Variants in ATM observed in about 807,000 individuals in gnomAD.
The protein encoded by ATM is ATM serine/threonine kinase, also known as serine-protein kinase ATM.
In ATM, 308 loss-of-function variants were observed where a neutral mutation model predicts 387.0. The ratio of observed to expected loss-of-function variants is 0.80; its 90% CI spans 0.73 to 0.87. ATM has a LOEUF of 0.87. Among genes scored for constraint, ATM ranks in the 40% least tolerant of loss-of-function variants. ATM has a pLI of 0.00. For missense variants in ATM, 3,312 were observed against 3,560.9 expected, an observed-to-expected ratio of 0.93 and a Z score of 1.78; for synonymous variants, 1,156 against 1,187.3, an observed-to-expected ratio of 0.97 and a Z score of 0.54.
chr11:108,353,493 C>G (rs759928300), intron 59 of ATM, among the ~76,000 whole-genome samples: 1 of 152,018 alleles, frequency 6.6e-6, no homozygotes, highest in Admixed American at 6.6e-5. Context: ...TTAAATTATA[C>G]CAGTAGTTAC....
Position 108,288,138 on chromosome 11 carries a change from C to T in ATM, c.4109+423C>T, listed in dbSNP as rs138293720. Among the ~76,000 whole-genome samples the T allele has an allele frequency of 6.8e-4, 103 of 151,686 alleles. No homozygotes were observed. The East Asian group carries it at 0.015, about 21-fold the overall frequency. ...TGGCTGGAGTGCAGTGGCATAATCT[C>T]GGCTCACTGCAACCTCTGTCTTCCA... On this transcript the variant is annotated intron_variant, in intron 27 of 62. Transcript: ENST00000675843.
intron 49 of ATM, 36 bp downstream of exon 49, chr11:108,329,274 A>G (rs2136426248): frequency 1.9e-6 from 3 of 1,547,092 alleles, no homozygotes; most frequent in Non-Finnish European, 2.7e-6. Flanking sequence ...TTTTATGTTC[A>G]CCAGTTAACT....
At chr11:108,334,569 A>T (rs1191253517) in intron 54 of ATM, among the ~76,000 whole-genome samples, 1 of 152,200 alleles carries the variant, frequency 6.6e-6, no homozygotes, top group Non-Finnish European at 1.5e-5. Flanking sequence ...AGTGCTTAGT[A>T]TCTAGTTACT....
intron 16 of ATM, among the ~76,000 whole-genome samples, chr11:108,261,854 GA>G (rs2080911720): frequency 6.6e-6 from 1 of 152,142 alleles, no homozygotes; most frequent in African/African-American, 2.4e-5. Context: ...CTCAGGAGCC[GA>G]TGCGATCAAC....
chr11:108,224,176 CTG>C (rs2078626822), intron 1 of ATM: 3 of 152,132 alleles, frequency 2.0e-5, no homozygotes, highest in Non-Finnish European at 2.9e-5. Context: ...CATTGAGAAA[CTG>C]AGGTTTGAAG....
chr11:108,286,237 C>T (rs1398878971), intron 26 of ATM, among the ~76,000 whole-genome samples: 3 of 142,702 alleles, frequency 2.1e-5, no homozygotes, highest in Non-Finnish European at 3.0e-5. Flanking sequence ...CACTTGAACC[C>T]GGGAGGTGGA....
At chr11:108,298,268 A>C (rs4988023) in intron 33 of ATM, among the ~76,000 whole-genome samples, 16,224 of 152,248 alleles carry the variant, frequency 0.11, 1,209 homozygotes, top group Non-Finnish European at 0.15. Flanking sequence ...AGTGTTTCAC[A>C]GATTCTACTA....
chr11:108,236,134 C>T (rs1454884233), intron 5 of ATM: 1 of 410,560 alleles, frequency 2.4e-6, no homozygotes, highest in Non-Finnish European at 4.5e-6. Context: ...AACCAGAGTT[C>T]ATAATGTGCT....
intron 13 of ATM, 127 bp downstream of exon 13, chr11:108,254,166 C>A: frequency 1.3e-6 from 1 of 795,984 alleles, no homozygotes; most frequent in South Asian, 1.6e-5. Context: ...AGCAAAGTGG[C>A]AGTAAAGGGC....
intron 16 of ATM, among the ~76,000 whole-genome samples, chr11:108,266,541 C>T (rs1297578286): frequency 1.3e-5 from 2 of 149,740 alleles, no homozygotes; most frequent in Admixed American, 6.6e-5. Flanking sequence ...TGCTAGATGA[C>T]GAGTTAGTGG....
In ATM at chr11:108,353,766, G is replaced by A. The variant is rs748192003; in HGVS notation, c.8672G>A (p.Gly2891Asp). The change falls in exon 60 of 63, where the codon GGT (glycine) becomes GAT (aspartate). Residue 2891 changes from glycine (G) to aspartate (D), a missense_variant and splice_region_variant. By Grantham distance (94) the Gly-to-Asp change is moderately conservative. This residue lies in a region of ATM where 1,405 missense variants were observed against 1,604.4 expected (regional missense o/e 0.88). Transcript: ENST00000675843. ...AACTTCACTGTATTCTTTACTTTAG[G>A]TGTTGCTTTTGAACAGGGCAAAATC... The part of the protein sequence containing the change: ...QSAELVHIDL[G>D]VAFEQGKILP... 8 of 1,599,482 alleles carry A rather than the reference G, an allele frequency of 5.0e-6. No homozygotes were observed. Among genetic ancestry groups the A allele is most frequent in the East Asian group, 2.2e-5 (1 of 44,824 alleles).
At chr11:108,289,957 A>C (rs2082696228) in intron 29 of ATM, 156 bp downstream of exon 29, 1 of 647,228 alleles carries the variant, frequency 1.5e-6, no homozygotes, top group Non-Finnish European at 2.6e-6. Context: ...TCCTGGGTTC[A>C]GATTATCCTT....
At chr11:108,231,832 A>G (rs953553609) in intron 4 of ATM, among the ~76,000 whole-genome samples, 13 of 152,086 alleles carry the variant, frequency 8.5e-5, no homozygotes, top group Non-Finnish European at 5.9e-5. Context: ...GGTTTAGTCA[A>G]TTTTCTACCT....
At chr11:108,284,889 A>G (rs2082411746) in intron 26 of ATM, among the ~76,000 whole-genome samples, 1 of 152,092 alleles carries the variant, frequency 6.6e-6, no homozygotes, top group Admixed American at 6.6e-5. Flanking sequence ...TATAGTTCTC[A>G]TACCCTGCTG....
chr11:108,262,304 C>A (rs2080944523), intron 16 of ATM, among the ~76,000 whole-genome samples: 1 of 152,188 alleles, frequency 6.6e-6, no homozygotes, highest in South Asian at 2.1e-4. Flanking sequence ...ACTCTACAAG[C>A]CAGAAGAGAG....
At chr11:108,226,077 A>G (rs1417563433) in intron 1 of ATM, 2 of 152,214 alleles carry the variant, frequency 1.3e-5, no homozygotes, top group Admixed American at 6.5e-5. Context: ...GTTTAATAAA[A>G]AACTTCTTTG....
chr11:108,291,118 C>G (rs2082769435), intron 29 of ATM, among the ~76,000 whole-genome samples: 1 of 151,920 alleles, frequency 6.6e-6, no homozygotes, highest in Non-Finnish European at 1.5e-5. Flanking sequence ...TGCCTGTAGT[C>G]CCAGCTACTC....
chr11:108,232,179 TAGTTGG>T (rs1248956708), intron 4 of ATM, among the ~76,000 whole-genome samples: 7 of 151,672 alleles, frequency 4.6e-5, no homozygotes, highest in African/African-American at 1.7e-4. Flanking sequence ...TTATAAGAAA[TAGTTGG>T]TGAAATTATC....
chr11:108,261,148 G>C (rs547868691), intron 16 of ATM, among the ~76,000 whole-genome samples: 1 of 152,242 alleles, frequency 6.6e-6, no homozygotes, highest in Admixed American at 6.5e-5. Flanking sequence ...AGCTCAAGGA[G>C]GCCTGCCTGC....
Sources: allele counts gnomAD v4.1 joint callset (sites outside exome capture counted in the v4.1 genomes callset), GRCh38; gene constraint gnomAD v4.1.1; regional missense constraint gnomAD v4.1.1; transcripts MANE v1.5; gene names NCBI Gene and HGNC (gene_info 2026-07-23, HGNC 2026-07-21).